Variants in SLC35E1 observed in about 807,000 individuals in gnomAD.
SLC35E1 encodes the protein solute carrier family 35 member E1.
Under a neutral mutation model 31.0 loss-of-function variants are expected in SLC35E1, and 12 were observed. The ratio of observed to expected loss-of-function variants is 0.39; its 90% CI spans 0.25 to 0.63. The LOEUF is 0.63. Ranked by LOEUF, SLC35E1 falls within the 20% of genes least tolerant of loss-of-function variation. The probability of loss-of-function intolerance (pLI) is 0.52; values close to 1 mark genes in which losing one functional copy is unlikely to be tolerated. For synonymous variants in SLC35E1, 257 were observed against 264.1 expected, an observed-to-expected ratio of 0.97 and a Z score of 0.26; for missense variants, 429 against 572.2, an observed-to-expected ratio of 0.75 and a Z score of 2.55.
Position 16,552,784 on chromosome 19 carries a change from A to C in SLC35E1, c.*895T>G, listed in dbSNP as rs1015438802. ...AATGCAAGATCCTCCGAAAATCAAG[A>C]TCTCTCTACCAAACAACATACCAAG... On this transcript the variant is annotated 3_prime_UTR_variant, in exon 6 of 6. Transcript: ENST00000595753. 1.3e-5 allele frequency: 2 copies of C among 152,212 alleles called. No homozygotes were observed. The highest frequency in any genetic ancestry group is 2.9e-5 in the Non-Finnish European group (2 of 68,050). 9.4% of individuals were successfully genotyped at this position (152,212 alleles called of 1,614,324 possible). A position where few individuals can be genotyped will look rare whatever the true frequency, so the allele number is the denominator to read the frequency against.
In SLC35E1 at chr19:16,555,250, C is replaced by T. The variant is rs1422637654; in HGVS notation, c.904G>A (p.Val302Ile). 6.2e-7 allele frequency: 1 copy of T among 1,614,168 alleles called. No homozygotes were observed. Among genetic ancestry groups the T allele is most frequent in the Admixed American group, 1.7e-5 (1 of 60,016 alleles). Residue 302 changes from valine (V) to isoleucine (I), a missense_variant, in exon 5 of 6, where the codon GTC (valine) becomes ATC (isoleucine). Physicochemically the swap from Val to Ile is conservative, Grantham distance 29. Coordinates refer to ENST00000595753, the MANE Select transcript of SLC35E1 (RefSeq NM_024881.5). This position sits in a 1 kb window ranked among gnomAD's most constrained non-coding sequence, Gnocchi z 4.1. ...SVANATKRIMVITVSLIMLRN... is the reference protein window; with the variant it reads ...SVANATKRIMIITVSLIMLRN... ...AGCATGATCAGGGACACCGTGATGACCATGATTCTTTTGGTGGCATTGGCG... is the reference window on the plus strand; with the variant it reads ...AGCATGATCAGGGACACCGTGATGATCATGATTCTTTTGGTGGCATTGGCG...
In SLC35E1 at chr19:16,558,589, G is replaced by A. The variant is rs574706635; in HGVS notation, c.757-3192C>T. 3.2e-3 allele frequency among the ~76,000 whole-genome samples: 486 copies of A among 152,086 alleles called. 7 individuals carry two copies. Among genetic ancestry groups the A allele is most frequent in the Non-Finnish European group, 1.5e-3 (104 of 67,966 alleles). On this transcript the variant is annotated intron_variant, in intron 4 of 5. Transcript: ENST00000595753. ...TGACCTCAAGTGATCCACCTGGCTC[G>A]GCCTTCCAAAGTGCTGGGATTGGAT... is the stretch of plus-strand genomic sequence containing the variant.
Position 16,555,197 on chromosome 19 carries a change from G to A in SLC35E1, c.957C>T (p.Val319=). 1.2e-6 allele frequency: 2 copies of A among 1,614,206 alleles called. No individual in the cohort carries two copies. Among genetic ancestry groups the A allele is most frequent in the Non-Finnish European group, 1.7e-6 (2 of 1,180,030 alleles). ...MLRNPVTSTN[V]LGMMTAILGV... ...CCAGGATGGCGGTCATCATGCCCAG[G>A]ACGTTGGTGCTGGTGACTGGGTTGC... is the stretch of plus-strand genomic sequence containing the variant. Residue 319 remains valine (V), a synonymous_variant, in exon 5 of 6, where the codon GTC becomes GTT. Coordinates refer to ENST00000595753, the MANE Select transcript of SLC35E1 (RefSeq NM_024881.5). The surrounding 1 kb of genome is among the most constrained non-coding windows in gnomAD (Gnocchi z 4.1).
At chr19:16,570,471 A>G (rs1483823976) in intron 2 of SLC35E1, among the ~76,000 whole-genome samples, 1 of 152,250 alleles carries the variant, frequency 6.6e-6, no homozygotes, top group Non-Finnish European at 1.5e-5. Context: ...GTCCAGCATC[A>G]GCATGAAATG....
chr19:16,568,269 G>A, intron 2 of SLC35E1, 100 bp from the exon 3 acceptor site: 2 of 1,421,676 alleles, frequency 1.4e-6, no homozygotes, highest in African/African-American at 1.5e-5. Flanking sequence ...CCTCAGCAAA[G>A]GGATACCACC....
chr19:16,563,098 A>AT (rs747456607), intron 4 of SLC35E1, among the ~76,000 whole-genome samples: 3 of 152,076 alleles, frequency 2.0e-5, no homozygotes, highest in Non-Finnish European at 2.9e-5. Flanking sequence ...AAGTGGGTGG[A>AT]TCACCTAATG....
intron 4 of SLC35E1, among the ~76,000 whole-genome samples, chr19:16,558,197 C>T (rs868760958): frequency 3.3e-5 from 5 of 152,176 alleles, no homozygotes; most frequent in Middle Eastern, 6.8e-3. Flanking sequence ...GCAACCACCA[C>T]CATGCCCAGC....
intron 4 of SLC35E1, chr19:16,566,074 G>C (rs1199680622): frequency 1.3e-5 from 2 of 153,350 alleles, no homozygotes; most frequent in Non-Finnish European, 2.9e-5. Context: ...TCGGGAGGCT[G>C]TGGGAGGATC....
chr19:16,571,095 C>CA (rs57729159), intron 2 of SLC35E1, among the ~76,000 whole-genome samples: 2,559 of 67,122 alleles, frequency 0.038, 36 homozygotes, highest in African/African-American at 0.055. Flanking sequence ...AACTCCGTCT[C>CA]AAAAAAAAAA....
intron 5 of SLC35E1, among the ~76,000 whole-genome samples, chr19:16,554,176 G>C (rs1457917235): frequency 1.4e-5 from 2 of 147,684 alleles, no homozygotes; most frequent in Non-Finnish European, 3.0e-5. Flanking sequence ...TGAGGCACAA[G>C]AATCACTTGA....
Position 16,553,473 on chromosome 19 carries a change from G to T in SLC35E1, c.*206C>A, listed in dbSNP as rs2122319753. On this transcript the variant is annotated 3_prime_UTR_variant, in exon 6 of 6. Transcript: ENST00000595753. ...GCATGAGACACTGGTCTCTGTTTAG[G>T]TTTGCCCAGAGCTCACGGCCGTCTG... 3 of 407,944 alleles carry T rather than the reference G, an allele frequency of 7.4e-6. No homozygotes were observed. Among genetic ancestry groups the T allele is most frequent in the Non-Finnish European group, 1.3e-5 (3 of 230,282 alleles). 25.3% of individuals were successfully genotyped at this position (407,944 alleles called of 1,614,324 possible).
chr19:16,571,889 C>T (rs2085960760), intron 1 of SLC35E1, 55 bp downstream of exon 1: 12 of 1,513,830 alleles, frequency 7.9e-6, no homozygotes, highest in Non-Finnish European at 1.1e-5. Context: ...TCCATGCGCC[C>T]AAACCCGAAG....
At chr19:16,566,780 A>C (rs1293131105) in intron 3 of SLC35E1, 123 bp from the exon 4 acceptor site, 1 of 1,202,974 alleles carries the variant, frequency 8.3e-7, no homozygotes, top group Non-Finnish European at 1.2e-6. Context: ...TGGACACCAA[A>C]CCTGCAAGTG....
intron 2 of SLC35E1, among the ~76,000 whole-genome samples, chr19:16,570,822 T>G (rs2085953978): frequency 6.6e-6 from 1 of 152,176 alleles, no homozygotes; most frequent in South Asian, 2.1e-4. Flanking sequence ...CCTAGCCAAG[T>G]GCAGTGGCTG....
rs2122313659 is a variant in SLC35E1, at chr19:16,550,020, T to C, written c.*3659A>G. The C allele has an allele frequency of 6.6e-6, 1 of 152,302 alleles. No individual in the cohort carries two copies. Among genetic ancestry groups the C allele is most frequent in the South Asian group, 2.1e-4 (1 of 4,826 alleles). The allele number at this position is 152,302 out of a possible 1,614,324, so 9.4% of individuals were successfully genotyped here. A position where few individuals can be genotyped will look rare whatever the true frequency, so the allele number is the denominator to read the frequency against. On this transcript the variant is annotated 3_prime_UTR_variant, in exon 6 of 6. Coordinates refer to ENST00000595753, the MANE Select transcript of SLC35E1 (RefSeq NM_024881.5). ...TTCAGGCTGTGAGACCCTAAGGTAT[T>C]GGGGTCTGGTAATGTCCCAGCTATA...
In SLC35E1 at chr19:16,550,832, G is replaced by A. The variant is rs2085841686; in HGVS notation, c.*2847C>T. 6.6e-6 allele frequency: 1 copy of A among 152,136 alleles called. No homozygotes were observed. The highest frequency in any genetic ancestry group is 2.1e-4 in the South Asian group (1 of 4,826). The allele number at this position is 152,136 out of a possible 1,614,324, so 9.4% of individuals were successfully genotyped here. A position where few individuals can be genotyped will look rare whatever the true frequency, so the allele number is the denominator to read the frequency against. On this transcript the variant is annotated 3_prime_UTR_variant, in exon 6 of 6. Coordinates refer to ENST00000595753, the MANE Select transcript of SLC35E1 (RefSeq NM_024881.5). ...ACGTGATTGCCTCATTCATTCCAGT[G>A]TACGTACTTGCTGTAAATTTATATA...
At chr19:16,561,425 G>T (rs936857634) in intron 4 of SLC35E1, among the ~76,000 whole-genome samples, 1 of 151,942 alleles carries the variant, frequency 6.6e-6, no homozygotes, top group African/African-American at 2.4e-5. Context: ...GAAGAATGAC[G>T]AACTCACTGG....
chr19:16,563,624 G>A (rs2085918086), intron 4 of SLC35E1, among the ~76,000 whole-genome samples: 1 of 152,074 alleles, frequency 6.6e-6, no homozygotes, highest in Admixed American at 6.6e-5. Flanking sequence ...TAGGATTATA[G>A]GCGTACGCCA....
intron 2 of SLC35E1, among the ~76,000 whole-genome samples, chr19:16,570,862 T>G (rs183543679): frequency 7.4e-4 from 113 of 152,226 alleles, no homozygotes; most frequent in African/African-American, 2.6e-3. Flanking sequence ...TTTGGGAGGC[T>G]GAGGCGGACG....
Sources: gnomAD v4.1 joint callset for allele counts (sites outside exome capture counted in the v4.1 genomes callset) on GRCh38, gnomAD v4.1.1 for gene constraint, Gnocchi (gnomAD v3.1) non-coding constraint, MANE v1.5 for transcripts, NCBI Gene and HGNC (gene_info 2026-07-23, HGNC 2026-07-21) for gene names.